Variants in FSTL5 observed in about 807,000 individuals in gnomAD.
FSTL5 encodes the protein follistatin like 5.
FSTL5 carries 62 observed loss-of-function variants against 89.1 expected under a neutral mutation model. That is an observed-to-expected ratio of 0.70 (90% CI 0.57 to 0.86). The LOEUF (loss-of-function observed/expected upper bound fraction) is 0.86, where lower values mean the gene tolerates loss of function less well. Among genes scored for constraint, FSTL5 ranks in the 40% least tolerant of loss-of-function variants. The probability of loss-of-function intolerance (pLI) is 0.00; values close to 1 mark genes in which losing one functional copy is unlikely to be tolerated. For synonymous variants in FSTL5, 383 were observed against 346.2 expected (o/e 1.11, Z -1.18); for missense variants, 1,057 against 1,001.6 (o/e 1.06, Z -0.75).
chr4:161,455,218 C>T, intron 14 of FSTL5, 90 bp from the exon 15 acceptor site: 1 of 1,115,982 alleles, frequency 9.0e-7, no homozygotes, highest in Admixed American at 2.9e-5. Flanking sequence ...ATAAATGTTT[C>T]TGGCAGTTGT....
intron 8 of FSTL5, among the ~76,000 whole-genome samples, chr4:161,571,893 A>G (rs1040490595): frequency 8.5e-5 from 13 of 152,236 alleles, no homozygotes; most frequent in African/African-American, 2.9e-4. Context: ...CTCTGTGCAT[A>G]ATTTTTCCTT....
chr4:161,435,759 G>A (rs536163382), intron 15 of FSTL5, among the ~76,000 whole-genome samples: 65 of 151,428 alleles, frequency 4.3e-4, no homozygotes, highest in Non-Finnish European at 7.7e-4. Flanking sequence ...AAACATTTTT[G>A]TAAAAGGAGT....
intron 3 of FSTL5, among the ~76,000 whole-genome samples, chr4:161,946,013 T>G (rs1353897799): frequency 6.6e-6 from 1 of 152,140 alleles, no homozygotes; most frequent in East Asian, 1.9e-4. Flanking sequence ...ATATTGCATT[T>G]TCATTTGCAT....
At chr4:162,001,113 G>A (rs1268892965) in intron 3 of FSTL5, among the ~76,000 whole-genome samples, 2 of 152,060 alleles carry the variant, frequency 1.3e-5, no homozygotes, top group African/African-American at 4.8e-5. Context: ...ACAAGAAGAA[G>A]CCCTGTAGTT....
intron 7 of FSTL5, among the ~76,000 whole-genome samples, chr4:161,611,403 C>T (rs17041244): frequency 0.021 from 3,198 of 151,610 alleles, 125 homozygotes; most frequent in African/African-American, 0.072. Flanking sequence ...ATTATGCACA[C>T]ACCTAACAAA....
chr4:161,449,669 T>G lies in FSTL5; in HGVS notation c.1841+5335A>C, dbSNP rs111477388. On this transcript the variant is annotated intron_variant, in intron 15 of 15. Coordinates refer to ENST00000306100, the MANE Select transcript of FSTL5 (RefSeq NM_020116.5). ...GTAGTTGAACTCTAACTGGGAGAGA[T>G]AGGAGAAGAAATGGGAAAGGAATGA... Among the ~76,000 whole-genome samples, 440 of 152,270 alleles carry G rather than the reference T, an allele frequency of 2.9e-3. 3 individuals are homozygous for G. The highest frequency in any genetic ancestry group is 4.4e-3 in the Non-Finnish European group (302 of 68,018).
intron 4 of FSTL5, among the ~76,000 whole-genome samples, chr4:161,781,917 C>A (rs1741683334): frequency 6.6e-6 from 1 of 152,080 alleles, no homozygotes; most frequent in Non-Finnish European, 1.5e-5. Context: ...TCTCCTGTAA[C>A]CCTTGGCAAC....
chr4:161,495,218 A>C (rs1015730722), intron 12 of FSTL5: 1 of 152,202 alleles, frequency 6.6e-6, no homozygotes, highest in African/African-American at 2.4e-5. Flanking sequence ...GAAAAGCAGC[A>C]GCTAGATCTA....
chr4:161,500,049 G>A lies in FSTL5; in HGVS notation c.1425C>T (p.His475=), dbSNP rs972377479. ...IQPIECEFQR[H]IKPSEKLLGF... is the part of the protein sequence containing the mutation. ...CAAGGAGCTTTTCACTAGGCTTAAT[G>A]TGCCTCTGAAATTCACATTCTATGG... Residue 475 remains histidine (H), a synonymous_variant, in exon 12 of 16, where the codon CAC becomes CAT. Transcript: ENST00000306100. The A allele has an allele frequency of 6.2e-7, 1 of 1,609,920 alleles. No individual in the cohort carries two copies. The highest frequency in any genetic ancestry group is 8.5e-7 in the Non-Finnish European group (1 of 1,177,074).
chr4:161,547,416 CATAG>C (rs1446469174), intron 8 of FSTL5, among the ~76,000 whole-genome samples: 1 of 151,866 alleles, frequency 6.6e-6, no homozygotes, highest in African/African-American at 2.4e-5. Flanking sequence ...TATTATGCAG[CATAG>C]ATAACTAATA....
rs1236056567 is a variant in FSTL5, at chr4:161,636,016, T to G, written c.894+20312A>C. Reference sequence around the variant, plus strand: ...TTGTGTTTTTGTTCCCTTGTGTAATTTTAGTAACATACGTAGTTACGGAGA... The same window carrying G: ...TTGTGTTTTTGTTCCCTTGTGTAATGTTAGTAACATACGTAGTTACGGAGA... On this transcript the variant is annotated intron_variant, in intron 7 of 15. Transcript: ENST00000306100. Among the ~76,000 whole-genome samples the G allele has an allele frequency of 2.0e-5, 3 of 152,236 alleles. No individual in the cohort carries two copies. In the East Asian group the frequency reaches 5.8e-4, roughly 29 times the overall value.
intron 8 of FSTL5, among the ~76,000 whole-genome samples, chr4:161,561,638 T>C (rs1332213297): frequency 6.6e-6 from 1 of 151,534 alleles, no homozygotes; most frequent in African/African-American, 2.4e-5. Flanking sequence ...TGAACAATAA[T>C]AACAAGGCAA....
At chr4:161,999,258 TGGATA>T (rs970316639) in intron 3 of FSTL5, among the ~76,000 whole-genome samples, 1 of 152,196 alleles carries the variant, frequency 6.6e-6, no homozygotes, top group Non-Finnish European at 1.5e-5. Flanking sequence ...TCTGATTATG[TGGATA>T]AATGCTATGA....
intron 10 of FSTL5, among the ~76,000 whole-genome samples, chr4:161,526,421 C>T (rs939133356): frequency 1.3e-5 from 2 of 152,102 alleles, no homozygotes; most frequent in African/African-American, 4.8e-5. Context: ...ATTAAACAGA[C>T]AGTACATCAA....
At chr4:161,557,197 C>T (rs983782325) in intron 8 of FSTL5, among the ~76,000 whole-genome samples, 1 of 151,266 alleles carries the variant, frequency 6.6e-6, no homozygotes, top group African/African-American at 2.4e-5. Context: ...AAATACAAAA[C>T]TACAAATAAA....
intron 3 of FSTL5, among the ~76,000 whole-genome samples, chr4:161,991,482 T>A (rs1420135827): frequency 6.6e-6 from 1 of 152,192 alleles, no homozygotes; most frequent in Non-Finnish European, 1.5e-5. Context: ...TATTAACTCA[T>A]TTGAAAATGT....
intron 10 of FSTL5, among the ~76,000 whole-genome samples, chr4:161,516,233 T>C (rs756639040): frequency 2.0e-5 from 3 of 149,128 alleles, no homozygotes; most frequent in Middle Eastern, 3.6e-3. Flanking sequence ...TCTATTAGGG[T>C]ATTGTAATAT....
chr4:161,535,857 C>CTGGTTAAAGAAAATGTGGTAGATAT (rs1731592422), intron 10 of FSTL5, among the ~76,000 whole-genome samples: 1 of 151,818 alleles, frequency 6.6e-6, no homozygotes, highest in South Asian at 2.1e-4. Flanking sequence ...CAATGGTGGG[C>CTGGTTAAAGAAAATGTGGTAGATAT]TGGTTAAAGA....
At chr4:161,665,923 A>G (rs569779039) in intron 6 of FSTL5, among the ~76,000 whole-genome samples, 1 of 152,242 alleles carries the variant, frequency 6.6e-6, no homozygotes, top group South Asian at 2.1e-4. Flanking sequence ...TGAATGTTAA[A>G]GTTTAACAGT....
Sources: gnomAD v4.1 joint callset for allele counts (sites outside exome capture counted in the v4.1 genomes callset) on GRCh38, gnomAD v4.1.1 for gene constraint, MANE v1.5 for transcripts, NCBI Gene and HGNC (gene_info 2026-07-23, HGNC 2026-07-21) for gene names.